Variants in ZC3H12C observed in about 807,000 individuals in gnomAD.
ZC3H12C encodes probable ribonuclease ZC3H12C.
Under a neutral mutation model 76.3 loss-of-function variants are expected in ZC3H12C, and 20 were observed. That is an observed-to-expected ratio of 0.26 (90% CI 0.18 to 0.38). The LOEUF is 0.38. Ranked by LOEUF, ZC3H12C falls within the 10% of genes least tolerant of loss-of-function variation. ZC3H12C has a pLI of 1.00. For synonymous variants in ZC3H12C, 352 were observed against 399.6 expected, an observed-to-expected ratio of 0.88 and a Z score of 1.42; for missense variants, 874 against 1,086.5, an observed-to-expected ratio of 0.80 and a Z score of 2.75.
At chr11:110,155,347 C>T (rs1179259606) in intron 3 of ZC3H12C, among the ~76,000 whole-genome samples, 1 of 151,802 alleles carries the variant, frequency 6.6e-6, no homozygotes, top group Non-Finnish European at 1.5e-5. Context: ...GCATTCAGTG[C>T]CCTGAAGCAG....
chr11:110,136,544 A>G, intron 1 of ZC3H12C, 119 bp from the exon 2 acceptor site: 1 of 1,107,172 alleles, frequency 9.0e-7, no homozygotes, highest in Non-Finnish European at 1.3e-6. Flanking sequence ...GAGGGAGGAG[A>G]GGATGTAGAC....
chr11:110,097,608 C>CT (rs1446189043), intron 1 of ZC3H12C, among the ~76,000 whole-genome samples: 2 of 152,170 alleles, frequency 1.3e-5, no homozygotes, highest in Non-Finnish European at 2.9e-5. Context: ...TTCAGTACCT[C>CT]TTTTTTCAGA....
rs1355381766 is a variant in ZC3H12C at position 110,167,199 on chromosome 11, TCTGATTATC to T, written c.*1465_*1473del. On this transcript the variant is annotated 3_prime_UTR_variant, in exon 6 of 6. Transcript: ENST00000278590. ...TAGTCTGCTTAGATGCCCTGGCTAT[TCTGATTATC>T]CTACATGCTACAGTTTGAAGTGAAG... The T allele has an allele frequency of 3.3e-5, 5 of 152,244 alleles. No homozygotes were observed. Among genetic ancestry groups the T allele is most frequent in the African/African-American group, 1.2e-4 (5 of 41,474 alleles). The allele number at this position is 152,244 out of a possible 1,614,324, so 9.4% of individuals were successfully genotyped here.
chr11:110,095,453 A>G (rs934650033), intron 1 of ZC3H12C, among the ~76,000 whole-genome samples: 1 of 152,170 alleles, frequency 6.6e-6, no homozygotes, highest in South Asian at 2.1e-4. Context: ...ATTTGATAGC[A>G]TTTTTAAAGA....
intron 1 of ZC3H12C, among the ~76,000 whole-genome samples, chr11:110,129,304 T>G (rs1454188452): frequency 1.3e-5 from 2 of 152,200 alleles, no homozygotes; most frequent in African/African-American, 4.8e-5. Context: ...TCTTTTAGTT[T>G]TCTTTCTGGA....
rs1862581105 is a variant in ZC3H12C at position 110,166,141 on chromosome 11, GGACATTT to G, written c.*408_*414del. ...GCAATTACAATACCTTCAGAATGTGGGACATTTGACTAGACCTAGCAAACTGTTTTTT... is the reference window on the plus strand; with the variant it reads ...GCAATTACAATACCTTCAGAATGTGGGACTAGACCTAGCAAACTGTTTTTT... On this transcript the variant is annotated 3_prime_UTR_variant, in exon 6 of 6. Transcript: ENST00000278590. 6.1e-6 allele frequency: 1 copy of G among 163,646 alleles called. No individual in the cohort carries two copies. The highest frequency in any genetic ancestry group is 2.4e-5 in the African/African-American group (1 of 41,512). The allele number at this position is 163,646 out of a possible 1,614,324, so 10.1% of individuals were successfully genotyped here.
chr11:110,095,862 C>A (rs1861103858), intron 1 of ZC3H12C, among the ~76,000 whole-genome samples: 1 of 151,992 alleles, frequency 6.6e-6, no homozygotes, highest in Non-Finnish European at 1.5e-5. Flanking sequence ...GGTAAGTTGG[C>A]AAATAGAGTT....
chr11:110,165,288 A>G lies in ZC3H12C; in HGVS notation c.2203A>G (p.Lys735Glu). Residue 735 changes from lysine to glutamate, a missense_variant, in exon 6 of 6, where the codon AAG becomes GAG. Physicochemically the swap from Lys to Glu is moderately conservative, Grantham distance 56 (BLOSUM62 1). This residue lies in a region of ZC3H12C where 395 missense variants were observed against 434.4 expected (regional missense o/e 0.91). Coordinates refer to ENST00000278590, the MANE Select transcript of ZC3H12C (RefSeq NM_033390.2). ...CTCTCCTCCAAGTTCAGCACACTCT[A>G]AGGCACCACACCTAGGGAGGTCCTT... Reference protein sequence around the residue: ...YPSPPSSAHSKAPHLGRSLVA... With the variant: ...YPSPPSSAHSEAPHLGRSLVA... 1 of 1,613,960 alleles carries G rather than the reference A, an allele frequency of 6.2e-7. No homozygotes were observed. The highest frequency in any genetic ancestry group is 8.5e-7 in the Non-Finnish European group (1 of 1,179,874).
chr11:110,165,583 G>A lies in ZC3H12C; in HGVS notation c.2498G>A (p.Arg833Lys). Residue 833 changes from arginine to lysine, a missense_variant, in exon 6 of 6, where the codon AGG (arginine) becomes AAG (lysine). Around this residue, in one of 3 missense-constraint regions of ZC3H12C, gnomAD observed 395 missense variants for 434.4 expected, o/e 0.91. Transcript: ENST00000278590. Reference protein sequence around the residue: ...PYCGMPQDPPRYQDNREKIYI... With the variant: ...PYCGMPQDPPKYQDNREKIYI... Reference sequence around the variant, plus strand: ...TGTGGAATGCCGCAAGATCCCCCGAGGTATCAAGACAACCGAGAAAAGATT... The same window carrying A: ...TGTGGAATGCCGCAAGATCCCCCGAAGTATCAAGACAACCGAGAAAAGATT... 1 of 1,611,386 alleles carries A rather than the reference G, an allele frequency of 6.2e-7. No homozygotes were observed. Among genetic ancestry groups the A allele is most frequent in the South Asian group, 1.1e-5 (1 of 90,530 alleles).
At chr11:110,136,563 A>G in intron 1 of ZC3H12C, 100 bp from the exon 2 acceptor site, 1 of 1,299,680 alleles carries the variant, frequency 7.7e-7, no homozygotes, top group Non-Finnish European at 1.1e-6. Context: ...ACAAAATACA[A>G]AGTATTTTGA....
intron 3 of ZC3H12C, 33 bp from the exon 4 acceptor site, chr11:110,159,223 C>T: frequency 1.3e-6 from 2 of 1,542,248 alleles, no homozygotes; most frequent in Non-Finnish European, 1.8e-6. Context: ...TATGTATTTA[C>T]TTTCTGCCAT....
intron 1 of ZC3H12C, among the ~76,000 whole-genome samples, chr11:110,105,751 TAA>T (rs1297578432): frequency 6.6e-6 from 1 of 152,206 alleles, no homozygotes; most frequent in Admixed American, 6.5e-5. Flanking sequence ...CAGTATATCA[TAA>T]GAGTCTTCCT....
chr11:110,163,235 C>T, intron 4 of ZC3H12C, 38 bp from the exon 5 acceptor site: 3 of 1,519,352 alleles, frequency 2.0e-6, no homozygotes, highest in East Asian at 4.7e-5. Flanking sequence ...TTATCAGCCT[C>T]CTACTTAGGT....
At chr11:110,116,460 T>A (rs1189934475) in intron 1 of ZC3H12C, among the ~76,000 whole-genome samples, 1 of 152,162 alleles carries the variant, frequency 6.6e-6, no homozygotes, top group Non-Finnish European at 1.5e-5. Flanking sequence ...GCATTTTAAC[T>A]CTAGGGCATT....
At chr11:110,126,798 C>T (rs545380903) in intron 1 of ZC3H12C, among the ~76,000 whole-genome samples, 9 of 152,124 alleles carry the variant, frequency 5.9e-5, no homozygotes, top group Admixed American at 5.9e-4. Flanking sequence ...TAGTTATTTT[C>T]TACCCAATAT....
Position 110,164,320 on chromosome 11 carries a change from A to G in ZC3H12C, c.1256-21A>G. On this transcript the variant is annotated intron_variant, in intron 5 of 5. Transcript: ENST00000278590. The surrounding 1 kb of genome is among the most constrained non-coding windows in gnomAD (Gnocchi z 5.7). ...GATCTGATGGTATGCTCCTTTGCCT[A>G]ATTAATTTTACTCTTCTTAGGAAAG... is the stretch of plus-strand genomic sequence containing the variant. The G allele has an allele frequency of 6.4e-7, 1 of 1,562,818 alleles. No homozygotes were observed. Among genetic ancestry groups the G allele is most frequent in the African/African-American group, 1.4e-5 (1 of 73,842 alleles).
intron 2 of ZC3H12C, among the ~76,000 whole-genome samples, chr11:110,149,302 A>G (rs1591481229): frequency 1.3e-5 from 2 of 152,282 alleles, no homozygotes; most frequent in South Asian, 4.1e-4. Flanking sequence ...CTCGCCGTTT[A>G]AAAGATAAGA....
At chr11:110,123,041 G>T (rs1412593584) in intron 1 of ZC3H12C, among the ~76,000 whole-genome samples, 1 of 152,152 alleles carries the variant, frequency 6.6e-6, no homozygotes, top group African/African-American at 2.4e-5. Context: ...AATTAAAAAT[G>T]TATTAATTTA....
intron 2 of ZC3H12C, among the ~76,000 whole-genome samples, chr11:110,144,758 G>C (rs1862131923): frequency 6.6e-6 from 1 of 152,054 alleles, no homozygotes; most frequent in Non-Finnish European, 1.5e-5. Context: ...ACTGAAAAGA[G>C]GTTCCTTTGT....
Sources: gnomAD v4.1 joint callset for allele counts (sites outside exome capture counted in the v4.1 genomes callset) on GRCh38, gnomAD v4.1.1 for gene constraint, gnomAD v4.1.1 regional missense constraint, Gnocchi (gnomAD v3.1) non-coding constraint, MANE v1.5 for transcripts, NCBI Gene and HGNC (gene_info 2026-07-23, HGNC 2026-07-21) for gene names.